Variants in RANBP2 observed in about 807,000 individuals in gnomAD.
RANBP2 encodes RAN binding protein 2.
A neutral mutation model predicts 303.6 loss-of-function variants in RANBP2; 57 were observed. The ratio of observed to expected loss-of-function variants is 0.19; its 90% CI spans 0.15 to 0.23. The LOEUF (loss-of-function observed/expected upper bound fraction) is 0.23. RANBP2 is among the 10% of genes least tolerant of loss of function. The pLI is 1.00. For synonymous variants in RANBP2, 1,167 were observed against 1,301.5 expected, an observed-to-expected ratio of 0.90 and a Z score of 2.23; for missense variants, 3,138 against 3,780.8, an observed-to-expected ratio of 0.83 and a Z score of 4.46.
chr2:108,723,303 G>A (rs1156522730), intron 1 of RANBP2, among the ~76,000 whole-genome samples: 4 of 144,938 alleles, frequency 2.8e-5, no homozygotes, highest in African/African-American at 1.0e-4. Context: ...TTTTTGAGAC[G>A]GAGACTCGCT....
chr2:109,044,839 C>T, the RANBP2 span, among the ~76,000 whole-genome samples: 1 of 152,040 alleles, frequency 6.6e-6, no homozygotes, highest in Non-Finnish European at 1.5e-5. Context: ...AAAAGCAGGG[C>T]TTTAATGTTT....
chr2:109,129,557 C>G, the RANBP2 span: 4 of 1,492,352 alleles, frequency 2.7e-6, no homozygotes, highest in Non-Finnish European at 3.5e-6. Flanking sequence ...CTCGGAGCGT[C>G]CTGGCTGTGC....
At chr2:109,023,769 A>G in the RANBP2 span, among the ~76,000 whole-genome samples, 5 of 152,162 alleles carry the variant, frequency 3.3e-5, no homozygotes, top group African/African-American at 7.2e-5. Context: ...TGTTTGCCCT[A>G]TCGCTCTCCA....
At chr2:108,862,102 A>T in the RANBP2 span, among the ~76,000 whole-genome samples, 1 of 141,832 alleles carries the variant, frequency 7.1e-6, no homozygotes, top group Non-Finnish European at 1.5e-5. Flanking sequence ...ATTTGTTGAG[A>T]CTTTCCTGAG....
chr2:109,060,267 A>G, the RANBP2 span, among the ~76,000 whole-genome samples: 873 of 152,300 alleles, frequency 5.7e-3, 4 homozygotes, highest in Non-Finnish European at 8.6e-3. Flanking sequence ...AAAGTGCAGC[A>G]ACATAAGGAA....
the RANBP2 span, chr2:109,399,017 C>T: frequency 7.0e-7 from 1 of 1,436,784 alleles, no homozygotes; most frequent in Non-Finnish European, 9.4e-7. Flanking sequence ...GTTCAGTGTC[C>T]CCCGTTCCTC....
the RANBP2 span, among the ~76,000 whole-genome samples, chr2:109,216,527 G>C: frequency 6.6e-6 from 1 of 152,204 alleles, no homozygotes; most frequent in Non-Finnish European, 1.5e-5. Context: ...TAAGTGCCTT[G>C]CTTCTGTGAT....
At chr2:109,489,555 G>A in the RANBP2 span, among the ~76,000 whole-genome samples, 19 of 152,344 alleles carry the variant, frequency 1.2e-4, no homozygotes, top group Non-Finnish European at 2.1e-4. Flanking sequence ...AGACAATGAC[G>A]TTGCCAGGCT....
chr2:109,429,776 C>A, the RANBP2 span, among the ~76,000 whole-genome samples: 1 of 152,202 alleles, frequency 6.6e-6, no homozygotes. Context: ...GCAAGAAGGC[C>A]ACAGACAGCC....
At chr2:109,360,517 GT>G in the RANBP2 span, among the ~76,000 whole-genome samples, 1 of 152,152 alleles carries the variant, frequency 6.6e-6, no homozygotes, top group African/African-American at 2.4e-5. Context: ...TTAGACTGGG[GT>G]CCCATACCCA....
the RANBP2 span, among the ~76,000 whole-genome samples, chr2:109,270,805 A>C: frequency 2.6e-5 from 4 of 152,302 alleles, no homozygotes; most frequent in Admixed American, 1.3e-4. Flanking sequence ...TGGAAAACCA[A>C]AACTGTTACA....
the RANBP2 span, among the ~76,000 whole-genome samples, chr2:109,711,331 G>A: frequency 6.6e-6 from 1 of 151,698 alleles, no homozygotes; most frequent in African/African-American, 2.4e-5. Context: ...TCCTACCATT[G>A]CCAGGGGTGG....
At chr2:109,206,186 A>G in the RANBP2 span, among the ~76,000 whole-genome samples, 1 of 152,158 alleles carries the variant, frequency 6.6e-6, no homozygotes, top group African/African-American at 2.4e-5. Context: ...ATTTTTAACT[A>G]TGGTCGAGAT....
At chr2:109,408,595 C>T in the RANBP2 span, among the ~76,000 whole-genome samples, 1 of 152,236 alleles carries the variant, frequency 6.6e-6, no homozygotes, top group African/African-American at 2.4e-5. Flanking sequence ...CCGTGAGCTT[C>T]GCTGCGGCAA....
chr2:109,208,246 C>T, the RANBP2 span, among the ~76,000 whole-genome samples: 4 of 152,204 alleles, frequency 2.6e-5, no homozygotes, highest in Non-Finnish European at 4.4e-5. Context: ...GTGATGGATT[C>T]GATATGGTTG....
chr2:109,463,143 T>G, the RANBP2 span, among the ~76,000 whole-genome samples: 4 of 152,214 alleles, frequency 2.6e-5, no homozygotes, highest in Non-Finnish European at 4.4e-5. Flanking sequence ...TGACTCTGTT[T>G]TGTGATTCAA....
the RANBP2 span, among the ~76,000 whole-genome samples, chr2:109,604,614 G>A: frequency 2.7e-5 from 4 of 150,678 alleles, no homozygotes; most frequent in African/African-American, 9.8e-5. Flanking sequence ...GTAGTCCCAG[G>A]TACTCAAGAG....
chr2:109,680,142 G>A, the RANBP2 span, among the ~76,000 whole-genome samples: 162 of 150,008 alleles, frequency 1.1e-3, no homozygotes, highest in Non-Finnish European at 2.0e-3. Context: ...TCAGGAGATC[G>A]AGACCATCCT....
the RANBP2 span, chr2:109,545,912 C>T: frequency 6.9e-7 from 1 of 1,449,210 alleles, no homozygotes; most frequent in South Asian, 1.5e-5. Context: ...CAAGGTCTCT[C>T]CTCTCCAGGA....
Sources: allele counts gnomAD v4.1 joint callset (sites outside exome capture counted in the v4.1 genomes callset), GRCh38; gene constraint gnomAD v4.1.1; transcripts MANE v1.5; gene names NCBI Gene and HGNC (gene_info 2026-07-23, HGNC 2026-07-21).